ROBO2: variants seen among roughly 807,000 people sequenced by gnomAD.
ROBO2 encodes roundabout guidance receptor 2.
Under a neutral mutation model 160.8 loss-of-function variants are expected in ROBO2, and 53 were observed. That is an observed-to-expected ratio of 0.33 (90% CI 0.26 to 0.41). The LOEUF (loss-of-function observed/expected upper bound fraction) is 0.41. Ranked by LOEUF, ROBO2 falls within the 10% of genes least tolerant of loss-of-function variation. The pLI, the probability that ROBO2 is intolerant of heterozygous loss-of-function variation, is 1.00. For synonymous variants in ROBO2, 664 were observed against 611.7 expected, an observed-to-expected ratio of 1.09 and a Z score of -1.26; for missense variants, 1,577 against 1,722.4, an observed-to-expected ratio of 0.92 and a Z score of 1.49.
At chr3:77,628,517 T>C (rs1310917699) in intron 23 of ROBO2, among the ~76,000 whole-genome samples, 2 of 152,154 alleles carry the variant, frequency 1.3e-5, no homozygotes, top group Non-Finnish European at 2.9e-5. Context: ...ATTTTTCCTT[T>C]TTTCAGAAAG....
intron 2 of ROBO2, among the ~76,000 whole-genome samples, chr3:77,365,400 C>T (rs554623575): frequency 6.6e-6 from 1 of 152,084 alleles, no homozygotes; most frequent in East Asian, 2.0e-4. Context: ...TTTTGGGAGG[C>T]TCTGCTTGAA....
chr3:77,397,963 C>A (rs2153507451), intron 2 of ROBO2, among the ~76,000 whole-genome samples: 1 of 152,124 alleles, frequency 6.6e-6, no homozygotes, highest in East Asian at 1.9e-4. Flanking sequence ...TTTTAAACCA[C>A]TATTAATCCT....
At chr3:76,090,601 T>A (rs1251659312) in intron 2 of ROBO2, among the ~76,000 whole-genome samples, 1 of 152,164 alleles carries the variant, frequency 6.6e-6, no homozygotes, top group African/African-American at 2.4e-5. Flanking sequence ...CTGATTCTAG[T>A]GTTTATACAG....
intron 2 of ROBO2, among the ~76,000 whole-genome samples, chr3:77,445,794 G>T (rs13433793): frequency 0.026 from 3,145 of 122,344 alleles, 71 homozygotes; most frequent in African/African-American, 0.064. Flanking sequence ...GTTTTTTTTT[G>T]TTTTTTTTTT....
At chr3:76,206,705 T>C (rs1268393240) in intron 2 of ROBO2, among the ~76,000 whole-genome samples, 1 of 152,214 alleles carries the variant, frequency 6.6e-6, no homozygotes, top group South Asian at 2.1e-4. Flanking sequence ...GGGCATTCAC[T>C]ATCTGTTTCA....
chr3:76,929,009 C>G (rs542758511), intron 2 of ROBO2, among the ~76,000 whole-genome samples: 1 of 152,252 alleles, frequency 6.6e-6, no homozygotes, highest in Admixed American at 6.5e-5. Context: ...CTTGTAATCC[C>G]AAAACTAGGG....
chr3:76,296,869 G>A (rs1215945736), intron 2 of ROBO2, among the ~76,000 whole-genome samples: 1 of 152,172 alleles, frequency 6.6e-6, no homozygotes, highest in Non-Finnish European at 1.5e-5. Flanking sequence ...ACAGGAAAAA[G>A]AGGAGGTTCA....
At chr3:77,281,668 A>T (rs1265139684) in intron 2 of ROBO2, among the ~76,000 whole-genome samples, 2 of 152,102 alleles carry the variant, frequency 1.3e-5, no homozygotes, top group Non-Finnish European at 2.9e-5. Context: ...CCTTCTATAT[A>T]CTTTAAATCA....
intron 2 of ROBO2, among the ~76,000 whole-genome samples, chr3:76,925,233 C>T (rs935662302): frequency 8.5e-6 from 1 of 117,236 alleles, no homozygotes; most frequent in East Asian, 2.6e-4. Flanking sequence ...AAAAAAAAAT[C>T]TGGTTTGCTT....
intron 2 of ROBO2, among the ~76,000 whole-genome samples, chr3:76,913,684 A>G (rs1192984031): frequency 6.6e-6 from 1 of 152,346 alleles, no homozygotes; most frequent in East Asian, 1.9e-4. Context: ...AATTACTACA[A>G]TTCAGCCACT....
rs1451661699 is a variant in ROBO2, at chr3:76,980,235, G to A, written c.110-117779G>A. Among the ~76,000 whole-genome samples, 6 of 152,094 alleles carry A rather than the reference G, an allele frequency of 3.9e-5. No individual in the cohort carries two copies. The East Asian group carries it at 5.8e-4, about 15-fold the overall frequency. Reference sequence around the variant, plus strand: ...GAGCTTTACTGCAAAACATTTCCTCGGCCATTGGCGGTTAAACCACAATGG... The same window carrying A: ...GAGCTTTACTGCAAAACATTTCCTCAGCCATTGGCGGTTAAACCACAATGG... On this transcript the variant is annotated intron_variant, in intron 2 of 26. Transcript: ENST00000487694.
rs1005812838 is a variant in ROBO2, at chr3:77,574,610, C to T, written c.2083C>T (p.Arg695Ter). Residue 695 changes from arginine (R) to a stop codon, truncating the protein, a stop_gained, in exon 14 of 26, where the codon CGA becomes TGA. Coordinates refer to ENST00000461745, the Ensembl canonical transcript of ROBO2. LOFTEE classifies it high-confidence loss of function. ...TTTAGATGCCAAAGTCCCGACTGAA[C>T]GAAGTGCTGTCTTAGTCAACCTGAA... 5 of 1,613,158 alleles carry T rather than the reference C, an allele frequency of 3.1e-6. No homozygotes were observed. Among genetic ancestry groups the T allele is most frequent in the Non-Finnish European group, 3.4e-6 (4 of 1,179,578 alleles).
intron 2 of ROBO2, among the ~76,000 whole-genome samples, chr3:76,855,982 T>G (rs530674847): frequency 6.6e-6 from 1 of 152,330 alleles, no homozygotes; most frequent in East Asian, 1.9e-4. Context: ...CCATTCCCTA[T>G]GCCGAATATA....
At chr3:76,969,474 C>G (rs1392800058) in intron 2 of ROBO2, among the ~76,000 whole-genome samples, 1 of 152,084 alleles carries the variant, frequency 6.6e-6, no homozygotes, top group Non-Finnish European at 1.5e-5. Flanking sequence ...GTGATGTACT[C>G]TGTCTGTAAG....
intron 2 of ROBO2, among the ~76,000 whole-genome samples, chr3:76,600,257 C>A (rs577459772): frequency 2.6e-5 from 4 of 152,174 alleles, no homozygotes; most frequent in African/African-American, 9.7e-5. Flanking sequence ...CAATCTTCTG[C>A]ATATGGCTAG....
In ROBO2 at chr3:77,002,906, A is replaced by G. The variant is rs569644376; in HGVS notation, c.110-95108A>G. Among the ~76,000 whole-genome samples, 26 of 152,306 alleles carry G rather than the reference A, an allele frequency of 1.7e-4. No individual in the cohort carries two copies. The South Asian group carries it at 5.2e-3, about 30-fold the overall frequency. On this transcript the variant is annotated intron_variant, in intron 2 of 26. Transcript: ENST00000487694. ...TCAAACATTCATGTATAATGACAAC[A>G]TCAAAGCATTCTGATGACTGACCAT...
chr3:76,212,235 A>G (rs1468367153), intron 2 of ROBO2, among the ~76,000 whole-genome samples: 1 of 152,026 alleles, frequency 6.6e-6, no homozygotes, highest in African/African-American at 2.4e-5. Context: ...GTATTTTACT[A>G]CCTAATGGGG....
chr3:77,223,568 A>T (rs976298270), intron 2 of ROBO2, among the ~76,000 whole-genome samples: 4 of 152,120 alleles, frequency 2.6e-5, no homozygotes, highest in Non-Finnish European at 4.4e-5. Context: ...ATCAAATGGT[A>T]CATACCTTGC....
chr3:77,085,219 A>G (rs2069149184), intron 1 of ROBO2, among the ~76,000 whole-genome samples: 1 of 152,136 alleles, frequency 6.6e-6, no homozygotes, highest in Admixed American at 6.5e-5. Flanking sequence ...TGGCCAAATA[A>G]AACTGGAGAA....
Sources: gnomAD v4.1 joint callset for allele counts (sites outside exome capture counted in the v4.1 genomes callset) on GRCh38, gnomAD v4.1.1 for gene constraint, MANE v1.5 for transcripts, NCBI Gene and HGNC (gene_info 2026-07-23, HGNC 2026-07-21) for gene names.